FAM107B: variants seen among roughly 807,000 people sequenced by gnomAD.
FAM107B encodes the protein protein FAM107B.
FAM107B carries 21 observed loss-of-function variants against 31.5 expected under a neutral mutation model. The ratio of observed to expected loss-of-function variants is 0.67; its 90% confidence interval spans 0.47 to 0.96. FAM107B has a LOEUF of 0.96. Among genes scored for constraint, FAM107B ranks in the 40% least tolerant of loss-of-function variants. FAM107B has a pLI of 0.00. For missense variants in FAM107B, 452 were observed against 377.1 expected, an observed-to-expected ratio of 1.20 and a Z score of -1.64; for synonymous variants, 157 against 141.5, an observed-to-expected ratio of 1.11 and a Z score of -0.78.
At chr10:14,772,308 C>T (rs11815010) in intron 1 of FAM107B, among the ~76,000 whole-genome samples, 11,656 of 151,222 alleles carry the variant, frequency 0.077, 1,136 homozygotes, top group African/African-American at 0.23. Context: ...GAGCCAAGAT[C>T]GTGCCACTGC....
chr10:14,710,401 T>C (rs181990693), intron 1 of FAM107B, among the ~76,000 whole-genome samples: 19 of 151,084 alleles, frequency 1.3e-4, no homozygotes, highest in Admixed American at 1.3e-4. Context: ...AAAAAACATA[T>C]ATACATATTT....
At chr10:14,704,300 T>TGA (rs397961522) in intron 1 of FAM107B, among the ~76,000 whole-genome samples, 3 of 151,546 alleles carry the variant, frequency 2.0e-5, no homozygotes, top group Non-Finnish European at 2.9e-5. Flanking sequence ...TGTGTGTGTG[T>TGA]TAGTATGTAT....
intron 1 of FAM107B, among the ~76,000 whole-genome samples, chr10:14,716,069 C>T (rs1172601753): frequency 1.3e-5 from 2 of 152,180 alleles, no homozygotes; most frequent in African/African-American, 4.8e-5. Context: ...ATGAGACTGG[C>T]ATCCAGGGTA....
chr10:14,682,470 A>G (rs1854860949), intron 1 of FAM107B, among the ~76,000 whole-genome samples: 1 of 152,246 alleles, frequency 6.6e-6, no homozygotes, highest in African/African-American at 2.4e-5. Context: ...TGCAGGTTGC[A>G]GTGAACCGAG....
At chr10:14,548,360 A>C in intron 2 of FAM107B, 1 of 948,406 alleles carries the variant, frequency 1.1e-6, no homozygotes, top group Non-Finnish European at 1.3e-6. Flanking sequence ...TTCCGACTGC[A>C]CCTCCTGCCA....
At chr10:14,716,055 C>T (rs1460403622) in intron 1 of FAM107B, among the ~76,000 whole-genome samples, 1 of 152,146 alleles carries the variant, frequency 6.6e-6, no homozygotes, top group African/African-American at 2.4e-5. Flanking sequence ...TACAGATATT[C>T]CTGATGAGAC....
chr10:14,756,141 C>G (rs1171637988), intron 1 of FAM107B, among the ~76,000 whole-genome samples: 3 of 152,032 alleles, frequency 2.0e-5, no homozygotes. Context: ...TCAATAAAAT[C>G]AAAATCAGGG....
chr10:14,669,697 T>C (rs538725580), intron 1 of FAM107B, among the ~76,000 whole-genome samples: 2 of 152,232 alleles, frequency 1.3e-5, no homozygotes, highest in African/African-American at 4.8e-5. Context: ...TCTTGTTGCA[T>C]GTTCTTACTC....
chr10:14,525,112 G>A (rs1279495627), intron 3 of FAM107B, among the ~76,000 whole-genome samples: 3 of 152,190 alleles, frequency 2.0e-5, no homozygotes, highest in African/African-American at 7.2e-5. Flanking sequence ...AAAAAGTCAA[G>A]CATTGCCCAT....
In FAM107B at chr10:14,521,190, C is replaced by G; in HGVS notation, c.921G>C (p.Ter307TyrextTer105). Reference sequence around the variant, plus strand: ...CACGAGGTCTTGGTGCAGCCTCAGCCTAGGACTCCTGGGCTTGGGCGACTT... The same window carrying G: ...CACGAGGTCTTGGTGCAGCCTCAGCGTAGGACTCCTGGGCTTGGGCGACTT... Reference protein sequence around the residue: ...GQEVAQAQES* With the variant: ...GQEVAQAQESY Residue 307 changes from the stop codon to tyrosine, a stop_lost, in exon 5 of 5, where the codon TAG (stop) becomes TAC (tyrosine). Coordinates refer to ENST00000181796, the MANE Select transcript of FAM107B (RefSeq NM_031453.4). 6.2e-7 allele frequency: 1 copy of G among 1,613,820 alleles called. No homozygotes were observed. Among genetic ancestry groups the G allele is most frequent in the Non-Finnish European group, 8.5e-7 (1 of 1,179,680 alleles).
chr10:14,578,024 A>G (rs1422838595), intron 2 of FAM107B, among the ~76,000 whole-genome samples: 4 of 152,108 alleles, frequency 2.6e-5, no homozygotes, highest in Admixed American at 2.6e-4. Flanking sequence ...ACCCATTTTC[A>G]TGTTTAAATA....
intron 1 of FAM107B, among the ~76,000 whole-genome samples, chr10:14,717,858 C>CA (rs1181763805): frequency 6.6e-6 from 1 of 152,156 alleles, no homozygotes; most frequent in East Asian, 1.9e-4. Context: ...ATCTCAGAAA[C>CA]AGACAGCTGA....
At chr10:14,752,457 C>T (rs1401502184) in intron 1 of FAM107B, among the ~76,000 whole-genome samples, 1 of 152,182 alleles carries the variant, frequency 6.6e-6, no homozygotes, top group African/African-American at 2.4e-5. Flanking sequence ...GGAGGTAGTC[C>T]AGATACAAAG....
At chr10:14,713,641 T>C (rs1855712640) in intron 1 of FAM107B, among the ~76,000 whole-genome samples, 1 of 152,180 alleles carries the variant, frequency 6.6e-6, no homozygotes. Flanking sequence ...TGTCAGCTCC[T>C]GCAAACATCC....
At chr10:14,732,146 C>T (rs1467799832) in intron 1 of FAM107B, among the ~76,000 whole-genome samples, 2 of 152,156 alleles carry the variant, frequency 1.3e-5, no homozygotes, top group Admixed American at 6.5e-5. Flanking sequence ...ACTCAAACTA[C>T]TCTCTATACC....
At chr10:14,556,796 C>T (rs531927871) in intron 2 of FAM107B, among the ~76,000 whole-genome samples, 153 of 152,378 alleles carry the variant, frequency 1.0e-3, no homozygotes, top group African/African-American at 3.5e-3. Flanking sequence ...TAAGAATGGA[C>T]TTTCCCCCCA....
At chr10:14,641,063 A>G (rs1853615288) in intron 2 of FAM107B, among the ~76,000 whole-genome samples, 1 of 152,194 alleles carries the variant, frequency 6.6e-6, no homozygotes, top group Admixed American at 6.5e-5. Flanking sequence ...CTTACAAATG[A>G]AGAGATTACT....
At chr10:14,694,119 T>C (rs1457819324) in intron 1 of FAM107B, among the ~76,000 whole-genome samples, 1 of 152,260 alleles carries the variant, frequency 6.6e-6, no homozygotes, top group Non-Finnish European at 1.5e-5. Flanking sequence ...ATTCATGCAC[T>C]GATGGACACT....
chr10:14,568,097 G>A (rs1341738831), intron 2 of FAM107B, among the ~76,000 whole-genome samples: 2 of 152,184 alleles, frequency 1.3e-5, no homozygotes, highest in Non-Finnish European at 2.9e-5. Flanking sequence ...GAGGAGCTAC[G>A]ACCACGAAAT....
Sources: gnomAD v4.1 joint callset for allele counts (sites outside exome capture counted in the v4.1 genomes callset) on GRCh38, gnomAD v4.1.1 for gene constraint, MANE v1.5 for transcripts, NCBI Gene and HGNC (gene_info 2026-07-23, HGNC 2026-07-21) for gene names.